Variants in WIPI1 observed in about 807,000 individuals in gnomAD.
The protein encoded by WIPI1 is WD repeat domain, phosphoinositide interacting 1.
A neutral mutation model predicts 55.3 loss-of-function variants in WIPI1; 45 were observed. That is an observed-to-expected ratio of 0.81 (90% CI 0.64 to 1.04). The LOEUF (loss-of-function observed/expected upper bound fraction) is 1.04, where lower values mean the gene tolerates loss of function less well. WIPI1 is among the 50% of genes least tolerant of loss of function. The probability of loss-of-function intolerance (pLI) is 0.00; values close to 1 mark genes in which losing one functional copy is unlikely to be tolerated. For missense variants in WIPI1, 445 were observed against 559.0 expected, an observed-to-expected ratio of 0.80 and a Z score of 2.06; for synonymous variants, 195 against 217.6, an observed-to-expected ratio of 0.90 and a Z score of 0.92.
rs1395491490 is a variant in WIPI1, at chr17:68,421,821, C to G, written c.1294-1G>C. On this transcript the variant is annotated splice_acceptor_variant, in intron 12 of 12. Transcript: ENST00000262139. LOFTEE classifies it high-confidence loss of function. The stretch of plus-strand genomic sequence containing the variant: ...TCTGATTTCCACGGCACAAGATTAT[C>G]TACCAAAATCAAAACAGAATGGCCT... 4 of 1,614,068 alleles carry G rather than the reference C, an allele frequency of 2.5e-6. No homozygotes were observed. Among genetic ancestry groups the G allele is most frequent in the African/African-American group, 1.3e-5 (1 of 74,932 alleles).
chr17:68,448,216 G>A (rs1417005804), intron 3 of WIPI1: 2 of 152,238 alleles, frequency 1.3e-5, no homozygotes, highest in Admixed American at 1.3e-4. Flanking sequence ...CCTGGCAAGA[G>A]AGGCTGCAGC....
At chr17:68,437,749 A>T (rs2083879493) in intron 4 of WIPI1, among the ~76,000 whole-genome samples, 1 of 152,062 alleles carries the variant, frequency 6.6e-6, no homozygotes, top group Admixed American at 6.5e-5. Context: ...GGAAGAGTAA[A>T]CAGCCCATCA....
rs1260083797 is a variant in WIPI1, at chr17:68,429,899, TTTC to T, written c.965+94_965+96del. The T allele has an allele frequency of 6.6e-5, 104 of 1,572,584 alleles. 1 individual carries two copies. The highest frequency in any genetic ancestry group is 5.4e-5 in the Non-Finnish European group (62 of 1,157,222). ...CCACCGTGCCCAGCCTGGGGCAAGT[TTTC>T]TTTTTTTCTTTTCAGGTTTGGGGAT... is the stretch of plus-strand genomic sequence containing the variant. On this transcript the variant is annotated intron_variant, in intron 9 of 12. Transcript: ENST00000262139.
Position 68,436,289 on chromosome 17 carries a change from A to G in WIPI1, c.528+93T>C, listed in dbSNP as rs940125446. 6.1e-6 allele frequency: 7 copies of G among 1,152,572 alleles called. No homozygotes were observed. The African/African-American group carries it at 9.1e-5, about 15-fold the overall frequency. 71.4% of individuals were successfully genotyped at this position (1,152,572 alleles called of 1,614,324 possible). A position where few individuals can be genotyped will look rare whatever the true frequency, so the allele number is the denominator to read the frequency against. On this transcript the variant is annotated intron_variant, in intron 5 of 12. Transcript: ENST00000262139. Reference sequence around the variant, plus strand: ...AGTATTGCTTACTCCCACCGCCTCCAGCCCCCGACGGCAGGGCGTCCTTAT... The same window carrying G: ...AGTATTGCTTACTCCCACCGCCTCCGGCCCCCGACGGCAGGGCGTCCTTAT...
At position 68,429,868 on chromosome 17, in the gene WIPI1, T is replaced by C. The variant is rs917066106; in HGVS notation, c.965+128A>G. The C allele has an allele frequency of 5.1e-6, 7 of 1,369,660 alleles. No individual in the cohort carries two copies. In the African/African-American group the frequency reaches 1.0e-4, roughly 20 times the overall value. The allele number at this position is 1,369,660 out of a possible 1,614,324, so 84.8% of individuals were successfully genotyped here. A position where few individuals can be genotyped will look rare whatever the true frequency, so the allele number is the denominator to read the frequency against. ...CCTCCCAAGGTTCCGGGATTACAGATGTAAGCCACCGTGCCCAGCCTGGGG... is the reference window on the plus strand; with the variant it reads ...CCTCCCAAGGTTCCGGGATTACAGACGTAAGCCACCGTGCCCAGCCTGGGG... On this transcript the variant is annotated intron_variant, in intron 9 of 12. Coordinates refer to ENST00000262139, the MANE Select transcript of WIPI1 (RefSeq NM_017983.7).
intron 3 of WIPI1, 91 bp downstream of exon 3, chr17:68,450,637 T>C (rs1179716569): frequency 1.4e-6 from 2 of 1,479,628 alleles, no homozygotes; most frequent in Non-Finnish European, 1.8e-6. Context: ...TGGAAGCTTG[T>C]TTTACAGACA....
intron 4 of WIPI1, among the ~76,000 whole-genome samples, chr17:68,441,660 C>A (rs568707926): frequency 6.6e-6 from 1 of 152,144 alleles, no homozygotes; most frequent in Non-Finnish European, 1.5e-5. Flanking sequence ...GAGAGGGCTG[C>A]GGAGTGAGTC....
At chr17:68,442,339 C>T (rs1390082522) in intron 4 of WIPI1, among the ~76,000 whole-genome samples, 1 of 151,896 alleles carries the variant, frequency 6.6e-6, no homozygotes, top group Non-Finnish European at 1.5e-5. Context: ...GTGGTAGGCA[C>T]CTGTAGTCCC....
At chr17:68,438,045 CA>C (rs1214067697) in intron 4 of WIPI1, among the ~76,000 whole-genome samples, 4 of 148,304 alleles carry the variant, frequency 2.7e-5, no homozygotes, top group Non-Finnish European at 4.5e-5. Context: ...AACTTTAGGT[CA>C]GGCTGAAACA....
chr17:68,449,474 G>T (rs1383183366), intron 3 of WIPI1, among the ~76,000 whole-genome samples: 1 of 152,178 alleles, frequency 6.6e-6, no homozygotes, highest in Non-Finnish European at 1.5e-5. Flanking sequence ...TCAGATCAGT[G>T]TCCCTCCCCA....
Position 68,421,590 on chromosome 17 carries a change from G to T in WIPI1, c.*183C>A. The T allele has an allele frequency of 1.4e-6, 1 of 734,612 alleles. No homozygotes were observed. Among genetic ancestry groups the T allele is most frequent in the Non-Finnish European group, 2.3e-6 (1 of 431,396 alleles). 45.5% of individuals were successfully genotyped at this position (734,612 alleles called of 1,614,324 possible). ...TATACAATGTCTCCCGCGCCCATTG[G>T]CAACCAGGGTCGTGGGAAGCTTGGT... On this transcript the variant is annotated 3_prime_UTR_variant, in exon 13 of 13. Transcript: ENST00000262139.
intron 7 of WIPI1, 66 bp from the exon 8 acceptor site, chr17:68,433,641 A>G: frequency 7.5e-7 from 1 of 1,330,196 alleles, no homozygotes; most frequent in Non-Finnish European, 1.1e-6. Context: ...TATAACTCAG[A>G]GATCAGCTTT....
At chr17:68,439,206 TAAGTC>T (rs1224228387) in intron 4 of WIPI1, among the ~76,000 whole-genome samples, 1 of 152,140 alleles carries the variant, frequency 6.6e-6, no homozygotes, top group Non-Finnish European at 1.5e-5. Flanking sequence ...GCATTATTCA[TAAGTC>T]AAAAAGTGGA....
intron 1 of WIPI1, among the ~76,000 whole-genome samples, chr17:68,456,560 C>T (rs2084649192): frequency 6.6e-6 from 1 of 152,234 alleles, no homozygotes; most frequent in Admixed American, 6.5e-5. Flanking sequence ...AAACACACTT[C>T]AGCCCAGCTC....
chr17:68,426,123 C>A lies in WIPI1; in HGVS notation c.1245G>T (p.Glu415Asp), dbSNP rs764560117. 2 of 1,612,554 alleles carry A rather than the reference C, an allele frequency of 1.2e-6. No homozygotes were observed. Among genetic ancestry groups the A allele is most frequent in the Admixed American group, 1.7e-5 (1 of 60,016 alleles). The change falls in exon 12 of 13, where the codon GAG (glutamate) becomes GAT (aspartate). Residue 415 changes from glutamate to aspartate, a missense_variant. Transcript: ENST00000262139. ...ALRGEVIPEH[E>D]FATGPVCLDD... ...CAAGACACACTGGTCCCGTCGCAAA[C>A]TCATGTTCAGGAATAACTTCTCCTC...
chr17:68,437,315 C>G (rs10153240), intron 4 of WIPI1, among the ~76,000 whole-genome samples: 77,546 of 151,872 alleles, frequency 0.51, 20,423 homozygotes, highest in African/African-American at 0.62. Context: ...AGCACTTTGG[C>G]AGGCCGAGGC....
intron 11 of WIPI1, 75 bp from the exon 12 acceptor site, chr17:68,426,250 G>GGGGGGGGGGGGGGGA: frequency 2.4e-6 from 2 of 828,060 alleles, no homozygotes; most frequent in Non-Finnish European, 1.9e-6. Flanking sequence ...GGTGGGGAGC[G>GGGGGGGGGGGGGGGA]GGGGCTCAAA....
At chr17:68,424,100 T>C (rs891488322) in intron 12 of WIPI1, among the ~76,000 whole-genome samples, 4 of 152,130 alleles carry the variant, frequency 2.6e-5, no homozygotes, top group Admixed American at 1.3e-4. Context: ...TTAAGGCCAG[T>C]TGGGGCCATG....
rs10629905 is a variant in WIPI1 at position 68,437,005 on chromosome 17, A to AAAATATATAT, written c.431-527_431-526insATATATATTT. Among the ~76,000 whole-genome samples the AAAATATATAT allele has an allele frequency of 7.2e-4, 77 of 107,252 alleles. 1 individual carries two copies. The highest frequency in any genetic ancestry group is 1.2e-3 in the Non-Finnish European group (56 of 47,838). 70.4% of individuals were successfully genotyped at this position (107,252 alleles called of 152,430 possible). A position where few individuals can be genotyped will look rare whatever the true frequency, so the allele number is the denominator to read the frequency against. ...TGAGACCCCGTCTCAAAAAAAAAAA[A>AAAATATATAT]ATATATATATATGTGTGTGTGTGTG... On this transcript the variant is annotated intron_variant, in intron 4 of 12. Coordinates refer to ENST00000262139, the MANE Select transcript of WIPI1 (RefSeq NM_017983.7).
Sources: allele counts gnomAD v4.1 joint callset (sites outside exome capture counted in the v4.1 genomes callset), GRCh38; gene constraint gnomAD v4.1.1; transcripts MANE v1.5; gene names NCBI Gene and HGNC (gene_info 2026-07-23, HGNC 2026-07-21).